The following ANKRD17 variants were observed in gnomAD, a reference collection of about 807,000 sequenced individuals.
The protein encoded by ANKRD17 is ankyrin repeat domain-containing protein 17.
ANKRD17 carries 19 observed loss-of-function variants against 229.7 expected under a neutral mutation model. The ratio of observed to expected loss-of-function variants is 0.08; its 90% confidence interval spans 0.06 to 0.12. The LOEUF (loss-of-function observed/expected upper bound fraction) is 0.12, where lower values mean the gene tolerates loss of function less well. Among genes scored for constraint, ANKRD17 ranks in the 10% least tolerant of loss-of-function variants. The probability of loss-of-function intolerance (pLI) is 1.00; values close to 1 mark genes in which losing one functional copy is unlikely to be tolerated. For missense variants in ANKRD17, 2,176 were observed against 3,176.8 expected, an observed-to-expected ratio of 0.68 and a Z score of 7.57; for synonymous variants, 1,112 against 1,146.1, an observed-to-expected ratio of 0.97 and a Z score of 0.60.
intron 8 of ANKRD17, 97 bp from the exon 9 acceptor site, chr4:73,147,529 G>T: frequency 9.8e-7 from 1 of 1,024,352 alleles, no homozygotes. Context: ...TCTTTAAAAT[G>T]AACATTTATA....
At chr4:73,185,008 A>G (rs16849186) in intron 1 of ANKRD17, among the ~76,000 whole-genome samples, 2,910 of 152,156 alleles carry the variant, frequency 0.019, 94 homozygotes, top group African/African-American at 0.067. Flanking sequence ...AGACAAAACA[A>G]CCAATTACGA....
chr4:73,076,985 C>T lies in ANKRD17; in HGVS notation c.7707G>A (p.Leu2569=). ...PHAADPSWNS[L]IKMVSSSTEN... is the part of the protein sequence containing the mutation. ...CCGTGGAGCTGGAAACCATCTTTAT[C>T]AGTGAGTTCCAAGAAGGGTCTGCAG... is the stretch of plus-strand genomic sequence containing the variant. Residue 2569 remains leucine (L), a synonymous_variant, in exon 33 of 34, where the codon CTG becomes CTA. Coordinates refer to ENST00000358602, the MANE Select transcript of ANKRD17 (RefSeq NM_032217.5). 6.2e-7 allele frequency: 1 copy of T among 1,613,362 alleles called. No individual in the cohort carries two copies. The highest frequency in any genetic ancestry group is 8.5e-7 in the Non-Finnish European group (1 of 1,179,664).
chr4:73,088,285 A>G (rs568568460), intron 29 of ANKRD17, among the ~76,000 whole-genome samples: 63 of 152,284 alleles, frequency 4.1e-4, no homozygotes, highest in African/African-American at 1.5e-3. Flanking sequence ...GGTTTAGGAG[A>G]AAATAAAAGG....
At chr4:73,206,930 T>C (rs1463371199) in intron 1 of ANKRD17, among the ~76,000 whole-genome samples, 3 of 152,114 alleles carry the variant, frequency 2.0e-5, no homozygotes, top group Non-Finnish European at 4.4e-5. Flanking sequence ...TTCAAGTGAT[T>C]CTCCAGCCTC....
intron 1 of ANKRD17, among the ~76,000 whole-genome samples, chr4:73,184,153 G>A (rs1735948948): frequency 6.6e-6 from 1 of 152,040 alleles, no homozygotes; most frequent in Non-Finnish European, 1.5e-5. Context: ...TACTCCTCAA[G>A]TTAGAAATAT....
chr4:73,156,388 T>C (rs752540223), intron 3 of ANKRD17, among the ~76,000 whole-genome samples: 9 of 152,186 alleles, frequency 5.9e-5, no homozygotes, highest in Non-Finnish European at 1.3e-4. Flanking sequence ...GGATTACAGA[T>C]GTGAACAACC....
rs564808867 is a variant in ANKRD17 at position 73,124,676 on chromosome 4, G to A, written c.3492+237C>T. On this transcript the variant is annotated intron_variant, in intron 18 of 33. Transcript: ENST00000358602. ...GACTTGGAATAGTCTTTCTCCTACC[G>A]TAAATGCATGGCATTCCTACTTTTA... is the stretch of plus-strand genomic sequence containing the variant. 9.2e-5 allele frequency among the ~76,000 whole-genome samples: 14 copies of A among 152,246 alleles called. 1 individual carries two copies. In the South Asian group the frequency reaches 2.7e-3, roughly 29 times the overall value.
In ANKRD17 at chr4:73,222,987, T is replaced by C. The variant is rs1473399111; in HGVS notation, c.393+35289A>G. 139 of 1,535,640 alleles carry C rather than the reference T, an allele frequency of 9.1e-5. 1 individual carries two copies. Among genetic ancestry groups the C allele is most frequent in the Non-Finnish European group, 2.8e-5 (32 of 1,146,504 alleles). ...ACCTAGCCCTACCTCAAGAATGTCTTCTAGAACATATGCTTCCATTTCAGC... is the reference window on the plus strand; with the variant it reads ...ACCTAGCCCTACCTCAAGAATGTCTCCTAGAACATATGCTTCCATTTCAGC... On this transcript the variant is annotated intron_variant, in intron 1 of 33. Transcript: ENST00000358602.
intron 1 of ANKRD17, among the ~76,000 whole-genome samples, chr4:73,210,436 T>C (rs1021389646): frequency 4.6e-5 from 7 of 151,980 alleles, no homozygotes; most frequent in Non-Finnish European, 1.0e-4. Context: ...TTAAAGAAAA[T>C]ATAAATAAAT....
At chr4:73,112,485 T>C (rs933352827) in intron 24 of ANKRD17, 4 of 195,372 alleles carry the variant, frequency 2.0e-5, no homozygotes, top group African/African-American at 9.4e-5. Context: ...CATTTTTAAA[T>C]GGCCAAAACA....
At chr4:73,245,504 A>G (rs1040668917) in intron 1 of ANKRD17, among the ~76,000 whole-genome samples, 3 of 152,106 alleles carry the variant, frequency 2.0e-5, no homozygotes, top group Admixed American at 1.3e-4. Flanking sequence ...CTGACTGCCT[A>G]TGGAGAACAG....
At chr4:73,081,830 G>A (rs978500426) in intron 30 of ANKRD17, among the ~76,000 whole-genome samples, 2 of 152,168 alleles carry the variant, frequency 1.3e-5, no homozygotes, top group East Asian at 3.9e-4. Flanking sequence ...AAAATTGAAA[G>A]AGCAATGTGA....
At chr4:73,112,555 A>C (rs1725444715) in intron 24 of ANKRD17, 4 of 460,092 alleles carry the variant, frequency 8.7e-6, no homozygotes, top group Non-Finnish European at 1.1e-5. Context: ...GAGCTTCCAA[A>C]ATAAAATACA....
intron 7 of ANKRD17, among the ~76,000 whole-genome samples, chr4:73,150,331 A>G (rs1222622411): frequency 6.6e-6 from 1 of 151,966 alleles, no homozygotes; most frequent in African/African-American, 2.4e-5. Flanking sequence ...TTCCATTTTA[A>G]TTTCTTAATC....
chr4:73,180,781 G>C (rs1365340579), intron 1 of ANKRD17, among the ~76,000 whole-genome samples: 1 of 152,120 alleles, frequency 6.6e-6, no homozygotes, highest in Non-Finnish European at 1.5e-5. Flanking sequence ...GAAGGCCTAA[G>C]TACCAGAATT....
intron 1 of ANKRD17, among the ~76,000 whole-genome samples, chr4:73,194,276 A>G (rs996323880): frequency 1.3e-5 from 2 of 152,210 alleles, no homozygotes; most frequent in African/African-American, 4.8e-5. Flanking sequence ...ATTTTTGCAC[A>G]TAGTGCCAAG....
chr4:73,138,833 T>C (rs112050195), intron 15 of ANKRD17, among the ~76,000 whole-genome samples: 3,438 of 152,158 alleles, frequency 0.023, 75 homozygotes, highest in Non-Finnish European at 0.033. Flanking sequence ...TTCTAAAGTG[T>C]ATCTTCTTGT....
intron 1 of ANKRD17, among the ~76,000 whole-genome samples, chr4:73,251,713 T>G (rs986537469): frequency 3.3e-5 from 5 of 152,158 alleles, no homozygotes; most frequent in African/African-American, 1.2e-4. Context: ...ATGAAGGTCC[T>G]CATTAAATCC....
chr4:73,120,377 G>A, intron 20 of ANKRD17, 40 bp from the exon 21 acceptor site: 2 of 1,565,702 alleles, frequency 1.3e-6, no homozygotes. Flanking sequence ...ACACGTAAGA[G>A]ACTGGAAAGA....
Sources: gnomAD v4.1 joint callset for allele counts (sites outside exome capture counted in the v4.1 genomes callset) on GRCh38, gnomAD v4.1.1 for gene constraint, MANE v1.5 for transcripts, NCBI Gene and HGNC (gene_info 2026-07-23, HGNC 2026-07-21) for gene names.